Variants in APPBP2 observed in about 807,000 individuals in gnomAD.
APPBP2 encodes amyloid protein-binding protein 2.
Under a neutral mutation model 76.0 loss-of-function variants are expected in APPBP2, and 15 were observed. The ratio of observed to expected loss-of-function variants is 0.20; its 90% CI spans 0.13 to 0.30. The LOEUF (loss-of-function observed/expected upper bound fraction) is 0.30, where lower values mean the gene tolerates loss of function less well. APPBP2 is among the 10% of genes least tolerant of loss of function. The pLI is 1.00. For missense variants in APPBP2, 401 were observed against 687.2 expected (o/e 0.58, Z 4.66); for synonymous variants, 222 against 242.2 (o/e 0.92, Z 0.77).
intron 4 of APPBP2, 81 bp downstream of exon 4, chr17:60,479,067 G>C (rs1055810337): frequency 1.5e-6 from 2 of 1,350,548 alleles, no homozygotes; most frequent in Admixed American, 2.3e-5. Context: ...TCAAATGTTG[G>C]CATATACTTA....
At position 60,443,656 on chromosome 17, in the gene APPBP2, GTTAT is replaced by G. The variant is rs1206262821; in HGVS notation, c.*3921_*3924del. The G allele has an allele frequency of 6.6e-6, 1 of 152,546 alleles. No homozygotes were observed. Among genetic ancestry groups the G allele is most frequent in the Admixed American group, 6.6e-5 (1 of 15,252 alleles). The allele number at this position is 152,546 out of a possible 1,614,324, so 9.4% of individuals were successfully genotyped here. A position where few individuals can be genotyped will look rare whatever the true frequency, so the allele number is the denominator to read the frequency against. On this transcript the variant is annotated 3_prime_UTR_variant, in exon 13 of 13. Transcript: ENST00000083182. Reference sequence around the variant, plus strand: ...TGTTACACAAACGGTACCTGCAATGGTTATTTAGTGATCCAACACTTAACTGTGC... The same window carrying G: ...TGTTACACAAACGGTACCTGCAATGGTTAGTGATCCAACACTTAACTGTGC...
At position 60,456,375 on chromosome 17, in the gene APPBP2, A is replaced by G; in HGVS notation, c.1068T>C (p.His356=). 1 of 1,597,426 alleles carries G rather than the reference A, an allele frequency of 6.3e-7. No individual in the cohort carries two copies. The highest frequency in any genetic ancestry group is 8.6e-7 in the Non-Finnish European group (1 of 1,165,132). Residue 356 remains histidine, a synonymous_variant, in exon 10 of 13, where the codon CAT becomes CAC. Transcript: ENST00000083182. ...TAATGATACCAATAGCTCTTTCTGC[A>G]TGAAATCTGTAATACAGATAGATAC... ...SSGKFDNALF[H]AERAIGIITH...
At chr17:60,487,588 A>G (rs796396512) in intron 3 of APPBP2, among the ~76,000 whole-genome samples, 2 of 152,172 alleles carry the variant, frequency 1.3e-5, no homozygotes, top group African/African-American at 4.8e-5. Context: ...CTAGTTAGCC[A>G]TTTGTCTAAT....
intron 9 of APPBP2, among the ~76,000 whole-genome samples, chr17:60,457,984 A>T (rs2090443800): frequency 7.3e-6 from 1 of 137,218 alleles, no homozygotes; most frequent in African/African-American, 3.8e-5. Context: ...AGCCTAGATA[A>T]CATCAATTTA....
intron 12 of APPBP2, among the ~76,000 whole-genome samples, chr17:60,449,541 A>G (rs1371073619): frequency 6.6e-6 from 1 of 152,140 alleles, no homozygotes; most frequent in African/African-American, 2.4e-5. Flanking sequence ...GGCTGCAGTG[A>G]GCTAAGACCA....
At chr17:60,454,157 T>C in intron 11 of APPBP2, 145 bp downstream of exon 11, 1 of 533,994 alleles carries the variant, frequency 1.9e-6, no homozygotes, top group Non-Finnish European at 3.0e-6. Context: ...GCCACTGTGC[T>C]TGGCCTATGT....
intron 12 of APPBP2, among the ~76,000 whole-genome samples, chr17:60,451,463 G>GTATTT (rs751175119): frequency 3.3e-5 from 5 of 151,810 alleles, no homozygotes; most frequent in South Asian, 2.1e-4. Context: ...AAATATTTTA[G>GTATTT]TATTTTATTT....
intron 3 of APPBP2, among the ~76,000 whole-genome samples, chr17:60,490,961 C>G (rs2090724155): frequency 6.6e-6 from 1 of 152,060 alleles, no homozygotes; most frequent in South Asian, 2.1e-4. Context: ...TTAACAGCAG[C>G]ATGAAAATGA....
intron 2 of APPBP2, among the ~76,000 whole-genome samples, chr17:60,495,290 T>G (rs1033640854): frequency 5.9e-5 from 9 of 151,872 alleles, no homozygotes; most frequent in African/African-American, 1.9e-4. Context: ...CTGGCTGATA[T>G]GAACAGATAT....
In APPBP2 at chr17:60,461,846, A is replaced by G; in HGVS notation, c.900T>C (p.Asn300=). Residue 300 remains asparagine (N), a synonymous_variant, in exon 8 of 13, where the codon AAT becomes AAC. Coordinates refer to ENST00000083182, the MANE Select transcript of APPBP2 (RefSeq NM_006380.5). ...TLLDYGFYLL[N]VDNICQSVAI... ...CAACAGACTGACAGATATTATCTAC[A>G]TTGAGTAAGTAGAACCCATAATCTA... is the stretch of plus-strand genomic sequence containing the variant. 6.2e-7 allele frequency: 1 copy of G among 1,611,704 alleles called. No homozygotes were observed. The highest frequency in any genetic ancestry group is 8.5e-7 in the Non-Finnish European group (1 of 1,179,080).
intron 12 of APPBP2, among the ~76,000 whole-genome samples, chr17:60,449,938 A>G: frequency 6.6e-6 from 1 of 151,958 alleles, no homozygotes; most frequent in East Asian, 2.0e-4. Context: ...CTGGGATTAC[A>G]GGCGTACTGT....
chr17:60,469,310 G>A (rs2143344611), intron 4 of APPBP2, among the ~76,000 whole-genome samples: 1 of 127,882 alleles, frequency 7.8e-6, no homozygotes, highest in Admixed American at 8.6e-5. Flanking sequence ...TGGCGACAGA[G>A]CAAGACTCCA....
intron 1 of APPBP2, among the ~76,000 whole-genome samples, chr17:60,513,966 A>G (rs2090941626): frequency 2.0e-5 from 3 of 150,776 alleles, no homozygotes; most frequent in Admixed American, 6.6e-5. Flanking sequence ...TCTTCTTTCA[A>G]TGCAAACACA....
chr17:60,516,316 A>C (rs1168256952), intron 1 of APPBP2, among the ~76,000 whole-genome samples: 1 of 152,212 alleles, frequency 6.6e-6, no homozygotes, highest in Non-Finnish European at 1.5e-5. Flanking sequence ...TTTTTCGTTC[A>C]ATTTTTGTGC....
At chr17:60,487,253 T>C (rs966981754) in intron 3 of APPBP2, among the ~76,000 whole-genome samples, 2 of 152,228 alleles carry the variant, frequency 1.3e-5, no homozygotes, top group Non-Finnish European at 2.9e-5. Context: ...CCTTGCTAGG[T>C]TGGGGAAGTT....
intron 1 of APPBP2, among the ~76,000 whole-genome samples, chr17:60,511,533 C>T (rs1057201762): frequency 6.7e-6 from 1 of 149,618 alleles, no homozygotes; most frequent in Non-Finnish European, 1.5e-5. Context: ...TGCGGTGAGC[C>T]GAGATCGCAT....
intron 3 of APPBP2, among the ~76,000 whole-genome samples, chr17:60,482,259 C>T (rs73328427): frequency 0.082 from 12,483 of 152,078 alleles, 1,694 homozygotes; most frequent in African/African-American, 0.28. Context: ...TACTTATAAA[C>T]AAGAAATAAA....
Position 60,452,062 on chromosome 17 carries a change from C to A in APPBP2, c.1339-17G>T, listed in dbSNP as rs762270239. 1.2e-5 allele frequency: 20 copies of A among 1,608,336 alleles called. No homozygotes were observed. The African/African-American group carries it at 2.4e-4, about 19-fold the overall frequency. On this transcript the variant is annotated splice_polypyrimidine_tract_variant and intron_variant, in intron 11 of 12. Coordinates refer to ENST00000083182, the MANE Select transcript of APPBP2 (RefSeq NM_006380.5). Reference sequence around the variant, plus strand: ...TTCAGCTTCCTGAAAAACAATTATGCCATATCAATCATTATACTTTTTCTC... The same window carrying A: ...TTCAGCTTCCTGAAAAACAATTATGACATATCAATCATTATACTTTTTCTC...
chr17:60,499,297 G>C (rs2090802798), intron 2 of APPBP2, among the ~76,000 whole-genome samples: 1 of 150,702 alleles, frequency 6.6e-6, no homozygotes, highest in Non-Finnish European at 1.5e-5. Context: ...ACATGCCACT[G>C]AACTCCATCC....
Sources: allele counts gnomAD v4.1 joint callset (sites outside exome capture counted in the v4.1 genomes callset), GRCh38; gene constraint gnomAD v4.1.1; transcripts MANE v1.5; gene names NCBI Gene and HGNC (gene_info 2026-07-23, HGNC 2026-07-21).